The following CBL variants were observed in gnomAD, a reference collection of about 807,000 sequenced individuals.
CBL encodes Cbl proto-oncogene, also known as E3 ubiquitin-protein ligase CBL.
In CBL, 45 loss-of-function variants were observed where a neutral mutation model predicts 96.9. The ratio of observed to expected loss-of-function variants is 0.46; its 90% CI spans 0.37 to 0.60. The LOEUF (loss-of-function observed/expected upper bound fraction) is 0.60, where lower values mean the gene tolerates loss of function less well. Among genes scored for constraint, CBL ranks in the 20% least tolerant of loss-of-function variants. CBL has a pLI of 0.00. For missense variants in CBL, 1,024 were observed against 1,143.5 expected, an observed-to-expected ratio of 0.90 and a Z score of 1.51; for synonymous variants, 420 against 426.8, an observed-to-expected ratio of 0.98 and a Z score of 0.20.
At chr11:119,258,302 G>C (rs1304120480) in intron 2 of CBL, among the ~76,000 whole-genome samples, 3 of 152,138 alleles carry the variant, frequency 2.0e-5, no homozygotes, top group Admixed American at 6.6e-5. Context: ...AGTGGCTCAT[G>C]GTTCTACAGG....
chr11:119,278,562 A>G lies in CBL; in HGVS notation c.1280A>G (p.Glu427Gly), dbSNP rs2135304529. Residue 427 changes from glutamate (E) to glycine (G), a missense_variant, in exon 9 of 16, where the codon GAA (glutamate) becomes GGA (glycine). By Grantham distance (98) the Glu-to-Gly change is moderately conservative (BLOSUM62 -2). Transcript: ENST00000264033. The part of the protein sequence containing the change: ...PFCRCEIKGT[E>G]PIVVDPFDPR... The stretch of plus-strand genomic sequence containing the variant: ...TGCCGATGTGAAATTAAAGGTACTG[A>G]ACCCATCGTGGTAGATCCGTTTGAT... The G allele has an allele frequency of 6.2e-7, 1 of 1,614,210 alleles. No individual in the cohort carries two copies. The highest frequency in any genetic ancestry group is 2.2e-5 in the East Asian group (1 of 44,888).
At chr11:119,276,180 G>A in intron 6 of CBL, 46 bp downstream of exon 6, 1 of 1,598,698 alleles carries the variant, frequency 6.3e-7, no homozygotes, top group South Asian at 1.1e-5. Context: ...GGAACTTAGG[G>A]GCTGTCCAAC....
chr11:119,216,757 C>A (rs561819709), intron 1 of CBL, among the ~76,000 whole-genome samples: 3 of 152,088 alleles, frequency 2.0e-5, no homozygotes, highest in Admixed American at 2.0e-4. Flanking sequence ...AGATACAGAA[C>A]GAAATGTAGA....
intron 6 of CBL, 88 bp downstream of exon 6, chr11:119,276,222 T>A: frequency 2.3e-6 from 3 of 1,306,314 alleles, no homozygotes; most frequent in South Asian, 2.4e-5. Flanking sequence ...CCAGGTTTCT[T>A]AAACTGCAGA....
At chr11:119,297,515 G>GA in intron 14 of CBL, 34 bp downstream of exon 14, 1 of 1,414,784 alleles carries the variant, frequency 7.1e-7, no homozygotes, top group Middle Eastern at 1.8e-4. Context: ...AAAAATCATT[G>GA]ATATGTCATA....
rs763146312 is a variant in CBL at position 119,278,152 on chromosome 11, T to G, written c.1096-14T>G. 1 of 1,575,528 alleles carries G rather than the reference T, an allele frequency of 6.3e-7. No individual in the cohort carries two copies. Among genetic ancestry groups the G allele is most frequent in the African/African-American group, 1.4e-5 (1 of 74,018 alleles). ...TTATTCAACTAATAGTCTTTTAATTTTTTTTAATCAAAGGAACAATATGAA... is the reference window on the plus strand; with the variant it reads ...TTATTCAACTAATAGTCTTTTAATTGTTTTTAATCAAAGGAACAATATGAA... On this transcript the variant is annotated splice_polypyrimidine_tract_variant and intron_variant, in intron 7 of 15. Coordinates refer to ENST00000264033, the MANE Select transcript of CBL (RefSeq NM_005188.4).
chr11:119,225,663 A>G (rs1949452478), intron 1 of CBL, among the ~76,000 whole-genome samples: 1 of 151,302 alleles, frequency 6.6e-6, no homozygotes, highest in Admixed American at 6.6e-5. Context: ...CGTCAGCTTC[A>G]GCTCCCAAGG....
chr11:119,258,840 T>A (rs896619766), intron 2 of CBL, among the ~76,000 whole-genome samples: 1 of 152,184 alleles, frequency 6.6e-6, no homozygotes, highest in African/African-American at 2.4e-5. Context: ...TGTTAAGAAT[T>A]GCATTGAATC....
chr11:119,227,103 C>G (rs976150292), intron 1 of CBL, among the ~76,000 whole-genome samples: 1 of 152,124 alleles, frequency 6.6e-6, no homozygotes, highest in Non-Finnish European at 1.5e-5. Flanking sequence ...GTGGAAACTG[C>G]GCTTTGAATA....
Position 119,297,492 on chromosome 11 carries a change from A to G in CBL, c.2251+11A>G. ...AGAGCAGCACCTTTGGTAAGTTGCCATTCTGCTACTTTAAAAATCATTGAT... is the reference window on the plus strand; with the variant it reads ...AGAGCAGCACCTTTGGTAAGTTGCCGTTCTGCTACTTTAAAAATCATTGAT... On this transcript the variant is annotated intron_variant, in intron 14 of 15. Coordinates refer to ENST00000264033, the MANE Select transcript of CBL (RefSeq NM_005188.4). 6.4e-7 allele frequency: 1 copy of G among 1,570,680 alleles called. No individual in the cohort carries two copies. Among genetic ancestry groups the G allele is most frequent in the Non-Finnish European group, 8.8e-7 (1 of 1,141,256 alleles).
intron 1 of CBL, among the ~76,000 whole-genome samples, chr11:119,210,403 A>G (rs1268801931): frequency 6.6e-6 from 1 of 152,100 alleles, no homozygotes; most frequent in East Asian, 1.9e-4. Flanking sequence ...CTTTAAATGT[A>G]AATTTAAAAG....
chr11:119,261,070 G>A (rs571350835), intron 2 of CBL, among the ~76,000 whole-genome samples: 32 of 149,792 alleles, frequency 2.1e-4, no homozygotes, highest in South Asian at 4.4e-4. Context: ...GCGCCACCAC[G>A]CCTGGCTAAT....
At chr11:119,266,375 C>CTTA (rs1204643030) in intron 2 of CBL, among the ~76,000 whole-genome samples, 19 of 152,294 alleles carry the variant, frequency 1.2e-4, no homozygotes, top group East Asian at 1.9e-4. Flanking sequence ...TCCTGTCTTG[C>CTTA]TTAAGATGGT....
At chr11:119,222,156 G>A (rs760999868) in intron 1 of CBL, among the ~76,000 whole-genome samples, 15 of 99,034 alleles carry the variant, frequency 1.5e-4, no homozygotes, top group East Asian at 2.9e-4. Context: ...TCAATAAGTT[G>A]GAGTCTTTAG....
chr11:119,252,525 AG>A (rs1949676587), intron 2 of CBL, among the ~76,000 whole-genome samples: 8 of 152,290 alleles, frequency 5.3e-5, no homozygotes, highest in Admixed American at 2.6e-4. Context: ...AGGGCTTTTT[AG>A]GCCTATGTAT....
chr11:119,207,583 A>C (rs1314296624), intron 1 of CBL, among the ~76,000 whole-genome samples: 3 of 152,208 alleles, frequency 2.0e-5, no homozygotes, highest in Non-Finnish European at 4.4e-5. Context: ...ATTTGGGAGA[A>C]TTTTACTTCC....
chr11:119,280,994 C>G (rs973685637), intron 9 of CBL, among the ~76,000 whole-genome samples: 1 of 152,126 alleles, frequency 6.6e-6, no homozygotes, highest in African/African-American at 2.4e-5. Context: ...TCTTAGTTTT[C>G]AGTTTGTACC....
Position 119,278,236 on chromosome 11 carries a change from A to G in CBL, c.1166A>G (p.Lys389Arg), listed in dbSNP as rs1949904868. Reference protein sequence around the residue: ...QLCKICAENDKDVKIEPCGHL... With the variant: ...QLCKICAENDRDVKIEPCGHL... ...TGTAAAATATGTGCTGAAAATGATA[A>G]GGATGTAAAGATTGAGCCCTGTGGA... The change falls in exon 8 of 16, where the codon AAG becomes AGG. Residue 389 changes from lysine to arginine, a missense_variant. Coordinates refer to ENST00000264033, the MANE Select transcript of CBL (RefSeq NM_005188.4). The G allele has an allele frequency of 1.2e-6, 2 of 1,613,102 alleles. No homozygotes were observed. The highest frequency in any genetic ancestry group is 1.7e-6 in the Non-Finnish European group (2 of 1,179,050).
At chr11:119,274,323 A>G (rs1182297444) in intron 4 of CBL, among the ~76,000 whole-genome samples, 1 of 152,204 alleles carries the variant, frequency 6.6e-6, no homozygotes, top group East Asian at 1.9e-4. Flanking sequence ...AATGGCCAGA[A>G]TATGAATATA....
Sources: gnomAD v4.1 joint callset for allele counts (sites outside exome capture counted in the v4.1 genomes callset) on GRCh38, gnomAD v4.1.1 for gene constraint, MANE v1.5 for transcripts, NCBI Gene and HGNC (gene_info 2026-07-23, HGNC 2026-07-21) for gene names.